Variants in NMRK1 observed in about 807,000 individuals in gnomAD.
NMRK1 encodes NRK 1.
A neutral mutation model predicts 29.9 loss-of-function variants in NMRK1; 28 were observed. The ratio of observed to expected loss-of-function variants is 0.94; its 90% confidence interval spans 0.69 to 1.28. The LOEUF (loss-of-function observed/expected upper bound fraction) is 1.28. Ranked by LOEUF, NMRK1 falls within the 50% of genes most tolerant of loss-of-function variation. The pLI is 0.00. For synonymous variants in NMRK1, 58 were observed against 73.0 expected (o/e 0.79, Z 1.05); for missense variants, 218 against 233.1 (o/e 0.94, Z 0.42).
intron 2 of NMRK1, among the ~76,000 whole-genome samples, chr9:75,081,553 C>A (rs891688664): frequency 6.6e-6 from 1 of 152,180 alleles, no homozygotes; most frequent in Non-Finnish European, 1.5e-5. Flanking sequence ...TCTAGGTATA[C>A]GGCCCTGTAT....
chr9:75,067,993 G>T (rs1248613184), intron 7 of NMRK1, among the ~76,000 whole-genome samples: 1 of 152,136 alleles, frequency 6.6e-6, no homozygotes, highest in Non-Finnish European at 1.5e-5. Context: ...CACAGATCCG[G>T]ATGCTTACCT....
chr9:75,085,330 A>G (rs2118279742), intron 1 of NMRK1, among the ~76,000 whole-genome samples: 1 of 152,382 alleles, frequency 6.6e-6, no homozygotes, highest in Non-Finnish European at 1.5e-5. Context: ...TGGAAAAGCC[A>G]GATATTAAAC....
chr9:75,073,925 GC>G (rs1306068705), intron 4 of NMRK1, among the ~76,000 whole-genome samples: 12 of 152,202 alleles, frequency 7.9e-5, no homozygotes, highest in African/African-American at 2.9e-4. Context: ...GTAATACTCA[GC>G]CTTAAAGTTT....
chr9:75,064,609 G>A (rs1461863922), intron 8 of NMRK1, among the ~76,000 whole-genome samples: 1 of 152,168 alleles, frequency 6.6e-6, no homozygotes, highest in Non-Finnish European at 1.5e-5. Context: ...TCCTTCAAAT[G>A]GGTTCATGCC....
At chr9:75,083,778 T>G (rs1824457869) in intron 1 of NMRK1, among the ~76,000 whole-genome samples, 1 of 152,190 alleles carries the variant, frequency 6.6e-6, no homozygotes, top group South Asian at 2.1e-4. Flanking sequence ...AGTAAATATT[T>G]GACACTATGT....
intron 4 of NMRK1, among the ~76,000 whole-genome samples, chr9:75,074,174 C>T (rs1172050589): frequency 2.0e-5 from 3 of 151,738 alleles, no homozygotes; most frequent in Admixed American, 6.6e-5. Context: ...TCTCCCGCTT[C>T]GGCTTCCTGA....
intron 4 of NMRK1, among the ~76,000 whole-genome samples, chr9:75,072,873 A>G (rs1345056004): frequency 2.6e-5 from 4 of 152,186 alleles, no homozygotes; most frequent in African/African-American, 4.8e-5. Context: ...AAAAAAAAAT[A>G]TGTATTCTGC....
At chr9:75,082,857 A>G (rs1824395990) in intron 2 of NMRK1, 2 of 514,854 alleles carry the variant, frequency 3.9e-6, no homozygotes, top group South Asian at 5.8e-5. Flanking sequence ...ATAAATGGGA[A>G]AGTGGGTAAA....
chr9:75,077,417 G>T, intron 3 of NMRK1, 73 bp downstream of exon 3: 1 of 1,133,536 alleles, frequency 8.8e-7, no homozygotes, highest in Non-Finnish European at 1.3e-6. Flanking sequence ...AAGACTTCTT[G>T]GATGTAATTC....
At chr9:75,087,547 TAATTTC>T (rs1824735975) in intron 1 of NMRK1, 2 of 152,058 alleles carry the variant, frequency 1.3e-5, no homozygotes, top group Admixed American at 1.3e-4. Context: ...ACTGAAATCG[TAATTTC>T]ATGTAATTTT....
chr9:75,081,697 C>T (rs1824331361), intron 2 of NMRK1, among the ~76,000 whole-genome samples: 1 of 152,184 alleles, frequency 6.6e-6, no homozygotes, highest in South Asian at 2.1e-4. Context: ...ACTGCTCCCA[C>T]TCTCAATTCC....
chr9:75,069,347 T>C (rs939201733), intron 6 of NMRK1: 3 of 512,842 alleles, frequency 5.8e-6, no homozygotes, highest in Non-Finnish European at 1.0e-5. Flanking sequence ...TTCCTTCTAG[T>C]GCTTTATAAG....
At chr9:75,086,908 G>GT (rs10652376) in intron 1 of NMRK1, among the ~76,000 whole-genome samples, 12,088 of 143,124 alleles carry the variant, frequency 0.084, 565 homozygotes, top group Non-Finnish European at 0.1. Flanking sequence ...TCAAGGCTGG[G>GT]TTTTTTTTTT....
chr9:75,066,407 A>C, intron 8 of NMRK1: 1 of 398,654 alleles, frequency 2.5e-6, no homozygotes, highest in Non-Finnish European at 4.8e-6. Context: ...AGAAAAGGGG[A>C]GCTCTGGACA....
chr9:75,080,331 G>A (rs1324701473), intron 2 of NMRK1, among the ~76,000 whole-genome samples: 7 of 152,168 alleles, frequency 4.6e-5, no homozygotes, highest in African/African-American at 1.2e-4. Flanking sequence ...GAGTTTGGAT[G>A]TTTGTCCCCT....
chr9:75,066,634 C>A lies in NMRK1; in HGVS notation c.580+123G>T, dbSNP rs545922293. 4.3e-5 allele frequency: 31 copies of A among 722,532 alleles called. No individual in the cohort carries two copies. In the Admixed American group the frequency reaches 4.7e-4, roughly 11 times the overall value. The allele number at this position is 722,532 out of a possible 1,614,324, so 44.8% of individuals were successfully genotyped here. A position where few individuals can be genotyped will look rare whatever the true frequency, so the allele number is the denominator to read the frequency against. ...TTCTGATTCTGAATTATCCTCAAAG[C>A]AAAGAATGGATGAGCACAATCACTC... is the stretch of plus-strand genomic sequence containing the variant. On this transcript the variant is annotated intron_variant, in intron 8 of 8. Coordinates refer to ENST00000361092, the MANE Select transcript of NMRK1 (RefSeq NM_017881.3).
chr9:75,075,613 T>C (rs1490807383), intron 4 of NMRK1, among the ~76,000 whole-genome samples: 1 of 152,236 alleles, frequency 6.6e-6, no homozygotes, highest in Non-Finnish European at 1.5e-5. Flanking sequence ...CCTATTAGCA[T>C]GATATTCTCT....
intron 4 of NMRK1, among the ~76,000 whole-genome samples, chr9:75,075,656 T>C (rs1349496105): frequency 1.3e-5 from 2 of 152,244 alleles, no homozygotes; most frequent in Non-Finnish European, 2.9e-5. Flanking sequence ...CTGTAATCCT[T>C]TGGCTTCAAA....
At chr9:75,076,875 T>G (rs993253272) in intron 4 of NMRK1, among the ~76,000 whole-genome samples, 4 of 152,200 alleles carry the variant, frequency 2.6e-5, no homozygotes, top group African/African-American at 9.7e-5. Context: ...ATTACAGGTG[T>G]AAGCCTCCAA....
Sources: gnomAD v4.1 joint callset for allele counts (sites outside exome capture counted in the v4.1 genomes callset) on GRCh38, gnomAD v4.1.1 for gene constraint, MANE v1.5 for transcripts, NCBI Gene and HGNC (gene_info 2026-07-23, HGNC 2026-07-21) for gene names.